The following DNAH9 variants were observed in gnomAD, a reference collection of about 807,000 sequenced individuals.
The protein encoded by DNAH9 is DNAH9 variant protein.
In DNAH9, 345 loss-of-function variants were observed where a neutral mutation model predicts 471.6. That is an observed-to-expected ratio of 0.73 (90% CI 0.67 to 0.80). The LOEUF is 0.80. Ranked by LOEUF, DNAH9 falls within the 30% of genes least tolerant of loss-of-function variation. The probability of loss-of-function intolerance (pLI) is 0.00; values close to 1 mark genes in which losing one functional copy is unlikely to be tolerated. For synonymous variants in DNAH9, 2,093 were observed against 2,123.6 expected, an observed-to-expected ratio of 0.99 and a Z score of 0.40; for missense variants, 5,407 against 5,609.2, an observed-to-expected ratio of 0.96 and a Z score of 1.15.
At chr17:11,615,863 T>C (rs1407707404) in intron 4 of DNAH9, among the ~76,000 whole-genome samples, 1 of 152,178 alleles carries the variant, frequency 6.6e-6, no homozygotes, top group Non-Finnish European at 1.5e-5. Context: ...CATGCGCTCA[T>C]TAGAATGACT....
In DNAH9 at chr17:11,774,225, G is replaced by A. The variant is rs1045206325; in HGVS notation, c.7552+4896G>A. ...TCCTTCCTGCCCCTTATTAACTAGA[G>A]TACTAAACTCAATGTGTATCATTAC... On this transcript the variant is annotated intron_variant, in intron 38 of 68. Coordinates refer to ENST00000262442, the MANE Select transcript of DNAH9 (RefSeq NM_001372.4). Among the ~76,000 whole-genome samples the A allele has an allele frequency of 6.1e-5, 9 of 147,358 alleles. No individual in the cohort carries two copies. In the East Asian group the frequency reaches 1.6e-3, roughly 26 times the overall value.
chr17:11,896,164 C>T (rs1315586390), intron 59 of DNAH9, among the ~76,000 whole-genome samples: 1 of 152,174 alleles, frequency 6.6e-6, no homozygotes, highest in Non-Finnish European at 1.5e-5. Context: ...TTGGTTAGGG[C>T]CCATACTAGT....
intron 36 of DNAH9, among the ~76,000 whole-genome samples, chr17:11,766,283 T>C (rs1967932356): frequency 6.7e-6 from 1 of 150,166 alleles, no homozygotes; most frequent in Non-Finnish European, 1.5e-5. Context: ...ATGGAGGCTA[T>C]ACCTGAGTAG....
chr17:11,661,337 A>C (rs11656210), intron 14 of DNAH9, among the ~76,000 whole-genome samples: 51,083 of 151,840 alleles, frequency 0.34, 8,804 homozygotes, highest in Middle Eastern at 0.42. Flanking sequence ...TCTTGTCTTA[A>C]TAGTCGGCAT....
At chr17:11,614,332 T>C (rs1390465616) in intron 4 of DNAH9, among the ~76,000 whole-genome samples, 1 of 151,970 alleles carries the variant, frequency 6.6e-6, no homozygotes, top group Non-Finnish European at 1.5e-5. Flanking sequence ...TCTGGATTGG[T>C]GGATATGAAT....
intron 67 of DNAH9, among the ~76,000 whole-genome samples, chr17:11,948,227 T>TTA (rs1281414970): frequency 5.9e-5 from 8 of 136,174 alleles, no homozygotes; most frequent in African/African-American, 2.0e-4. Flanking sequence ...TCTGGCTCTT[T>TTA]TTTTTTTTTT....
chr17:11,761,186 ACACAGT>A (rs60472917), intron 35 of DNAH9, among the ~76,000 whole-genome samples: 65,990 of 152,040 alleles, frequency 0.43, 14,490 homozygotes, highest in East Asian at 0.52. Flanking sequence ...ACTTCTAGTC[ACACAGT>A]CATACATACA....
chr17:11,611,105 T>G (rs1204448486), intron 3 of DNAH9, among the ~76,000 whole-genome samples: 2 of 152,022 alleles, frequency 1.3e-5, no homozygotes, highest in Admixed American at 1.3e-4. Context: ...ATTTCCTCAC[T>G]CCAATTTATT....
chr17:11,617,592 C>T lies in DNAH9; in HGVS notation c.1086C>T (p.Leu362=). 2 of 1,614,074 alleles carry T rather than the reference C, an allele frequency of 1.2e-6. No homozygotes were observed. The highest frequency in any genetic ancestry group is 1.7e-6 in the Non-Finnish European group (2 of 1,180,014). Residue 362 remains leucine, a synonymous_variant, in exon 5 of 69, where the codon CTC becomes CTT. Coordinates refer to ENST00000262442, the MANE Select transcript of DNAH9 (RefSeq NM_001372.4). ...CCCCGGGAAGGCTGACTGTGCTGCT[C>T]CAGGAGATTTGCAACCTTCTCATCC... is the stretch of plus-strand genomic sequence containing the variant. ...YRSPGRLTVL[L]QEICNLLIQQ... is the part of the protein sequence containing the mutation.
chr17:11,866,964 T>C (rs567041505), intron 50 of DNAH9, among the ~76,000 whole-genome samples: 4 of 152,256 alleles, frequency 2.6e-5, no homozygotes, highest in Non-Finnish European at 4.4e-5. Flanking sequence ...CCTGACCCCT[T>C]GTGCTTCCCG....
chr17:11,709,155 G>C (rs1174148052), intron 26 of DNAH9, among the ~76,000 whole-genome samples: 1 of 152,120 alleles, frequency 6.6e-6, no homozygotes, highest in Admixed American at 6.6e-5. Flanking sequence ...CCTTATAGAG[G>C]GAAAGGGTAA....
chr17:11,852,232 T>G (rs9905647), intron 49 of DNAH9, among the ~76,000 whole-genome samples: 1 of 152,062 alleles, frequency 6.6e-6, no homozygotes, highest in Non-Finnish European at 1.5e-5. Flanking sequence ...TGAAATCAAG[T>G]TGTCCCCCCA....
intron 14 of DNAH9, among the ~76,000 whole-genome samples, chr17:11,658,590 G>A (rs1245072108): frequency 6.6e-6 from 1 of 151,878 alleles, no homozygotes; most frequent in Non-Finnish European, 1.5e-5. Context: ...CCAATTATAT[G>A]GAGACACATT....
intron 5 of DNAH9, among the ~76,000 whole-genome samples, chr17:11,618,293 G>A (rs35856134): frequency 0.098 from 14,917 of 152,158 alleles, 1,395 homozygotes; most frequent in African/African-American, 0.24. Context: ...TGTATCTTAA[G>A]AAAGAACTAG....
rs1974564422 is a variant in DNAH9, at chr17:11,932,835, C to A, written c.12297+630C>A. ...CACAGCATGGCAGGTAGACTGTGAT[C>A]AGCAGGAAGAGACTTCACACTCGCC... On this transcript the variant is annotated intron_variant, in intron 64 of 68. Transcript: ENST00000262442. This position sits in a 1 kb window ranked among gnomAD's most constrained non-coding sequence, Gnocchi z 4.3. Among the ~76,000 whole-genome samples, 1 of 151,500 alleles carries A rather than the reference C, an allele frequency of 6.6e-6. No homozygotes were observed. The highest frequency in any genetic ancestry group is 2.1e-4 in the South Asian group (1 of 4,778).
At chr17:11,866,730 G>A (rs561630110) in intron 50 of DNAH9, among the ~76,000 whole-genome samples, 9 of 152,190 alleles carry the variant, frequency 5.9e-5, no homozygotes, top group Admixed American at 2.6e-4. Flanking sequence ...AATGGCGGGC[G>A]CCCCTCCCCC....
chr17:11,842,980 C>T lies in DNAH9; in HGVS notation c.9507+8082C>T, dbSNP rs779466367. Among the ~76,000 whole-genome samples the T allele has an allele frequency of 5.3e-5, 8 of 152,174 alleles. 1 individual carries two copies. Among genetic ancestry groups the T allele is most frequent in the Middle Eastern group, 6.8e-3 (2 of 294 alleles). ...CAAAATGATATTTAACACAATTCAACATCTGTTCCTCATTAAAACTCTCAG... is the reference window on the plus strand; with the variant it reads ...CAAAATGATATTTAACACAATTCAATATCTGTTCCTCATTAAAACTCTCAG... On this transcript the variant is annotated intron_variant, in intron 49 of 68. Transcript: ENST00000262442.
At chr17:11,812,998 A>G (rs1969979493) in intron 45 of DNAH9, among the ~76,000 whole-genome samples, 1 of 152,318 alleles carries the variant, frequency 6.6e-6, no homozygotes, top group South Asian at 2.1e-4. Flanking sequence ...TTGTATTTCA[A>G]TTGGCTCTAA....
chr17:11,810,234 C>A lies in DNAH9; in HGVS notation c.8584-12C>A. 2 of 1,605,694 alleles carry A rather than the reference C, an allele frequency of 1.2e-6. No individual in the cohort carries two copies. Among genetic ancestry groups the A allele is most frequent in the South Asian group, 1.1e-5 (1 of 89,208 alleles). ...TCTTTTCAGAGATTTCTGATATTGACCATTCCTACAGATGGACCTGGCCAG... is the reference window on the plus strand; with the variant it reads ...TCTTTTCAGAGATTTCTGATATTGAACATTCCTACAGATGGACCTGGCCAG... On this transcript the variant is annotated splice_polypyrimidine_tract_variant and intron_variant, in intron 44 of 68. Coordinates refer to ENST00000262442, the MANE Select transcript of DNAH9 (RefSeq NM_001372.4).
Sources: gnomAD v4.1 joint callset for allele counts (sites outside exome capture counted in the v4.1 genomes callset) on GRCh38, gnomAD v4.1.1 for gene constraint, Gnocchi (gnomAD v3.1) non-coding constraint, MANE v1.5 for transcripts, NCBI Gene and HGNC (gene_info 2026-07-23, HGNC 2026-07-21) for gene names.